The following STARD13 variants were observed in gnomAD, a reference collection of about 807,000 sequenced individuals.
The protein encoded by STARD13 is StAR related lipid transfer domain containing 13, also known as stAR-related lipid transfer protein 13.
A neutral mutation model predicts 106.4 loss-of-function variants in STARD13; 62 were observed. The observed-to-expected ratio is 0.58, with a 90% CI of 0.48 to 0.72. The LOEUF (loss-of-function observed/expected upper bound fraction) is 0.72, where lower values mean the gene tolerates loss of function less well. Ranked by LOEUF, STARD13 falls within the 30% of genes least tolerant of loss-of-function variation. STARD13 has a pLI of 0.00. For missense variants in STARD13, 1,387 were observed against 1,424.0 expected, an observed-to-expected ratio of 0.97 and a Z score of 0.42; for synonymous variants, 565 against 553.0, an observed-to-expected ratio of 1.02 and a Z score of -0.31.
At chr13:33,534,935 C>T in the STARD13 span, among the ~76,000 whole-genome samples, 8 of 152,134 alleles carry the variant, frequency 5.3e-5, no homozygotes, top group African/African-American at 1.4e-4. Context: ...AAAGGAGAAC[C>T]GGGCCGTTTG....
intron 1 of STARD13, among the ~76,000 whole-genome samples, chr13:33,249,145 G>A (rs1889974000): frequency 6.6e-6 from 1 of 152,170 alleles, no homozygotes; most frequent in African/African-American, 2.4e-5. Context: ...GGAAAAAAAA[G>A]TTGGGAACAC....
chr13:33,168,456 T>C (rs967617378), intron 1 of STARD13, among the ~76,000 whole-genome samples: 3 of 152,200 alleles, frequency 2.0e-5, no homozygotes, highest in African/African-American at 7.2e-5. Flanking sequence ...AGGTCACTTT[T>C]TGACCTTGTG....
chr13:33,474,081 C>T, the STARD13 span, among the ~76,000 whole-genome samples: 14 of 152,222 alleles, frequency 9.2e-5, no homozygotes, highest in African/African-American at 2.2e-4. Flanking sequence ...TTTGTAACAC[C>T]GTCTCACCCC....
the STARD13 span, among the ~76,000 whole-genome samples, chr13:33,455,838 G>C: frequency 6.6e-6 from 1 of 152,052 alleles, no homozygotes; most frequent in African/African-American, 2.4e-5. Flanking sequence ...CAGCTACTCG[G>C]GAGGCTGAGG....
At chr13:33,111,161 C>T (rs904888233) in intron 10 of STARD13, among the ~76,000 whole-genome samples, 1 of 152,178 alleles carries the variant, frequency 6.6e-6, no homozygotes, top group Non-Finnish European at 1.5e-5. Context: ...TTTTCACTTC[C>T]CTTTTATTTT....
chr13:33,480,616 G>A, the STARD13 span, among the ~76,000 whole-genome samples: 3 of 152,084 alleles, frequency 2.0e-5, no homozygotes, highest in Non-Finnish European at 4.4e-5. Flanking sequence ...CAGCAGAGAA[G>A]TACACTGTAG....
At chr13:33,184,703 C>T (rs183730729) in intron 1 of STARD13, among the ~76,000 whole-genome samples, 55 of 152,336 alleles carry the variant, frequency 3.6e-4, no homozygotes, top group African/African-American at 1.1e-3. Flanking sequence ...TTTACTGCTG[C>T]AATCCTGGTC....
At chr13:33,564,206 CAAAA>C in the STARD13 span, among the ~76,000 whole-genome samples, 4 of 53,864 alleles carry the variant, frequency 7.4e-5, no homozygotes, top group South Asian at 6.5e-4. Flanking sequence ...GACTGTATCT[CAAAA>C]AAAAAAAAAA....
chr13:33,234,183 T>C (rs967317567), intron 1 of STARD13, among the ~76,000 whole-genome samples: 1 of 152,192 alleles, frequency 6.6e-6, no homozygotes, highest in Admixed American at 6.5e-5. Flanking sequence ...AGTAATGATT[T>C]CATCAAACAG....
At chr13:33,417,496 T>C in the STARD13 span, among the ~76,000 whole-genome samples, 1 of 152,170 alleles carries the variant, frequency 6.6e-6, no homozygotes, top group Non-Finnish European at 1.5e-5. Context: ...TTATTCACAG[T>C]AGCCAAAAAG....
At chr13:33,377,470 G>A in the STARD13 span, among the ~76,000 whole-genome samples, 39 of 152,154 alleles carry the variant, frequency 2.6e-4, 1 homozygote, top group African/African-American at 8.2e-4. Flanking sequence ...CAGAATTGTC[G>A]GTACTACAAC....
chr13:33,616,822 T>A, the STARD13 span, among the ~76,000 whole-genome samples: 2 of 152,220 alleles, frequency 1.3e-5, no homozygotes, highest in African/African-American at 4.8e-5. Context: ...TTTAATTGAA[T>A]CAGAATCCAT....
chr13:33,205,816 T>C, intron 1 of STARD13: 3 of 981,978 alleles, frequency 3.1e-6, no homozygotes, highest in Non-Finnish European at 3.6e-6. Flanking sequence ...AACACAAACT[T>C]ACTTTGTTTA....
the STARD13 span, among the ~76,000 whole-genome samples, chr13:33,588,594 A>G: frequency 6.6e-6 from 1 of 152,228 alleles, no homozygotes; most frequent in African/African-American, 2.4e-5. Context: ...TTGCTTAAAA[A>G]TAAAGAAGGT....
the STARD13 span, among the ~76,000 whole-genome samples, chr13:33,418,512 G>A: frequency 0.16 from 23,794 of 152,220 alleles, 4,450 homozygotes; most frequent in African/African-American, 0.44. Flanking sequence ...TGTGGGCAGG[G>A]CATAGCTGAA....
the STARD13 span, chr13:33,657,586 G>A: frequency 6.6e-6 from 1 of 152,246 alleles, no homozygotes; most frequent in Non-Finnish European, 1.5e-5. Context: ...ACATGTTTGG[G>A]ATGAATTATA....
chr13:33,362,290 AACTG>A, the STARD13 span, among the ~76,000 whole-genome samples: 2 of 152,118 alleles, frequency 1.3e-5, no homozygotes, highest in Non-Finnish European at 2.9e-5. Flanking sequence ...CGCTTGTGTG[AACTG>A]ACTGAGTGAG....
the STARD13 span, among the ~76,000 whole-genome samples, chr13:33,510,453 C>T: frequency 6.6e-6 from 1 of 152,120 alleles, no homozygotes; most frequent in African/African-American, 2.4e-5. Context: ...AGCTTTTTCC[C>T]ATTCTGAGTC....
chr13:33,335,965 T>TCA (rs2077891642), intron 1 of STARD13, among the ~76,000 whole-genome samples: 1 of 82,612 alleles, frequency 1.2e-5, no homozygotes, highest in Non-Finnish European at 2.4e-5. Context: ...TGTTAAAATA[T>TCA]TATTCATTCA....
Sources: allele counts gnomAD v4.1 joint callset (sites outside exome capture counted in the v4.1 genomes callset), GRCh38; gene constraint gnomAD v4.1.1; transcripts MANE v1.5; gene names NCBI Gene and HGNC (gene_info 2026-07-23, HGNC 2026-07-21).